Variants in TENM2 observed in about 807,000 individuals in gnomAD.
TENM2 encodes teneurin transmembrane protein 2.
A neutral mutation model predicts 245.2 loss-of-function variants in TENM2; 52 were observed. The observed-to-expected ratio is 0.21, with a 90% CI of 0.17 to 0.27. The LOEUF is 0.27. Ranked by LOEUF, TENM2 falls within the 10% of genes least tolerant of loss-of-function variation. The pLI is 1.00. For synonymous variants in TENM2, 1,363 were observed against 1,438.9 expected, an observed-to-expected ratio of 0.95 and a Z score of 1.19; for missense variants, 3,046 against 3,666.8, an observed-to-expected ratio of 0.83 and a Z score of 4.37.
At chr5:168,073,520 CT>C (rs1275232985) in intron 7 of TENM2, among the ~76,000 whole-genome samples, 2 of 152,182 alleles carry the variant, frequency 1.3e-5, no homozygotes, top group Non-Finnish European at 2.9e-5. Flanking sequence ...ATACCTTTTC[CT>C]TTTAGAACAC....
chr5:168,203,826 A>C lies in TENM2; in HGVS notation c.3568A>C (p.Lys1190Gln), dbSNP rs188163185. The C allele has an allele frequency of 4.1e-5, 66 of 1,610,684 alleles. No homozygotes were observed. The Admixed American group carries it at 8.3e-4, about 20-fold the overall frequency. The change falls in exon 18 of 29, where the codon AAA becomes CAA. Residue 1190 changes from lysine to glutamine, a missense_variant. Physicochemically the swap from Lys to Gln is moderately conservative, Grantham distance 53 (BLOSUM62 1). This residue lies in a region of TENM2 where 2,704 missense variants were observed against 3,331.9 expected (regional missense o/e 0.81). Transcript: ENST00000518659. Reference sequence around the variant, plus strand: ...AGACAAACACCACATCCTCAATGTTAAAAGTGGTACGTGAACACATCTTCT... The same window carrying C: ...AGACAAACACCACATCCTCAATGTTCAAAGTGGTACGTGAACACATCTTCT...
At chr5:167,456,963 G>A (rs530520243) in intron 2 of TENM2, among the ~76,000 whole-genome samples, 15 of 152,174 alleles carry the variant, frequency 9.9e-5, no homozygotes, top group African/African-American at 2.9e-4. Flanking sequence ...AAATACAAGC[G>A]TGAGAATTTC....
At chr5:167,360,243 A>G (rs1341036722) in intron 1 of TENM2, among the ~76,000 whole-genome samples, 2 of 152,216 alleles carry the variant, frequency 1.3e-5, no homozygotes, top group African/African-American at 4.8e-5. Context: ...CGCCCTAAAA[A>G]AGGTGTCAGA....
At chr5:167,866,497 CAAAA>C (rs57131518) in intron 2 of TENM2, among the ~76,000 whole-genome samples, 2 of 80,128 alleles carry the variant, frequency 2.5e-5, no homozygotes, top group Admixed American at 1.5e-4. Context: ...GACTCCATCT[CAAAA>C]AAAAAAAAAA....
intron 2 of TENM2, among the ~76,000 whole-genome samples, chr5:167,716,398 T>A (rs997052782): frequency 3.9e-5 from 6 of 152,230 alleles, no homozygotes; most frequent in African/African-American, 1.4e-4. Flanking sequence ...GCCTTTCATC[T>A]GAGAGTTTAT....
At chr5:167,126,318 T>G in the TENM2 span, among the ~76,000 whole-genome samples, 3 of 152,244 alleles carry the variant, frequency 2.0e-5, no homozygotes, top group African/African-American at 4.8e-5. Flanking sequence ...CTCAGCCAGC[T>G]GGCACCACAC....
chr5:167,227,565 CACT>C, the TENM2 span, among the ~76,000 whole-genome samples: 10 of 152,036 alleles, frequency 6.6e-5, no homozygotes, highest in African/African-American at 2.4e-4. Flanking sequence ...TTTCTCTCAG[CACT>C]TTGAATATAT....
intron 6 of TENM2, among the ~76,000 whole-genome samples, chr5:168,048,182 A>AT (rs1788775301): frequency 7.4e-6 from 1 of 135,038 alleles, no homozygotes; most frequent in East Asian, 2.4e-4. Context: ...GGAAAAAAAA[A>AT]GGTGCTAACA....
chr5:167,648,962 A>G (rs1425587506), intron 2 of TENM2, among the ~76,000 whole-genome samples: 4 of 152,276 alleles, frequency 2.6e-5, no homozygotes, highest in Middle Eastern at 3.4e-3. Context: ...TTGTGCTACC[A>G]TGGTACCATC....
chr5:167,111,048 AG>A, the TENM2 span, among the ~76,000 whole-genome samples: 1 of 152,218 alleles, frequency 6.6e-6, no homozygotes, highest in Admixed American at 6.5e-5. Flanking sequence ...GAAGATGCAA[AG>A]AAATAAAGAA....
At chr5:167,302,237 G>C (rs754199115) in intron 1 of TENM2, among the ~76,000 whole-genome samples, 1 of 152,094 alleles carries the variant, frequency 6.6e-6, no homozygotes, top group Non-Finnish European at 1.5e-5. Flanking sequence ...AACTACTGTC[G>C]AGTTTATATT....
At chr5:167,915,179 A>T (rs1776841097) in intron 3 of TENM2, among the ~76,000 whole-genome samples, 1 of 152,042 alleles carries the variant, frequency 6.6e-6, no homozygotes, top group Non-Finnish European at 1.5e-5. Flanking sequence ...GGATGGAGAT[A>T]GTTTTTCCCC....
At chr5:167,306,178 C>T (rs569440630) in intron 1 of TENM2, 9 of 152,072 alleles carry the variant, frequency 5.9e-5, no homozygotes, top group Admixed American at 1.3e-4. Flanking sequence ...TCCTTATATT[C>T]GATTCGGTAA....
At chr5:167,747,009 A>G (rs977880644) in intron 2 of TENM2, among the ~76,000 whole-genome samples, 4 of 152,202 alleles carry the variant, frequency 2.6e-5, no homozygotes, top group African/African-American at 9.7e-5. Context: ...TTCATGTAGA[A>G]GATGTATATT....
At chr5:167,791,536 T>A (rs934849818) in intron 2 of TENM2, among the ~76,000 whole-genome samples, 2 of 64,978 alleles carry the variant, frequency 3.1e-5, no homozygotes, top group African/African-American at 2.1e-4. Context: ...TAATGTATAT[T>A]TTTATATATT....
At chr5:167,733,298 G>C (rs1413134159) in intron 2 of TENM2, among the ~76,000 whole-genome samples, 4 of 152,164 alleles carry the variant, frequency 2.6e-5, no homozygotes, top group Non-Finnish European at 5.9e-5. Flanking sequence ...TGCTGTGTCA[G>C]TAAATGGTTA....
At chr5:167,430,374 G>A (rs1322908724) in intron 2 of TENM2, among the ~76,000 whole-genome samples, 1 of 152,166 alleles carries the variant, frequency 6.6e-6, no homozygotes, top group East Asian at 1.9e-4. Context: ...TTCAACAGAA[G>A]GAGGTGTTCA....
chr5:167,616,789 C>A (rs1382830043), intron 2 of TENM2, among the ~76,000 whole-genome samples: 1 of 151,906 alleles, frequency 6.6e-6, no homozygotes, highest in Non-Finnish European at 1.5e-5. Context: ...ATAAAAAGGG[C>A]AATGCATGTT....
At chr5:167,670,590 C>T (rs1280524056) in intron 2 of TENM2, among the ~76,000 whole-genome samples, 2 of 152,120 alleles carry the variant, frequency 1.3e-5, no homozygotes, top group African/African-American at 2.4e-5. Flanking sequence ...AACGTTACTA[C>T]TCAAGAGTGT....
Sources: gnomAD v4.1 joint callset for allele counts (sites outside exome capture counted in the v4.1 genomes callset) on GRCh38, gnomAD v4.1.1 for gene constraint, gnomAD v4.1.1 regional missense constraint, MANE v1.5 for transcripts, NCBI Gene and HGNC (gene_info 2026-07-23, HGNC 2026-07-21) for gene names.